The following PARP16 variants were observed in gnomAD, a reference collection of about 807,000 sequenced individuals.
PARP16 encodes the protein poly(ADP-ribose) polymerase family member 16, also known as protein mono-ADP-ribosyltransferase PARP16.
In PARP16, 31 loss-of-function variants were observed where a neutral mutation model predicts 35.0. The observed-to-expected ratio is 0.88, with a 90% confidence interval of 0.66 to 1.19. The LOEUF (loss-of-function observed/expected upper bound fraction) is 1.19. PARP16 is among the 50% of genes most tolerant of loss of function. PARP16 has a pLI of 0.00. For synonymous variants in PARP16, 162 were observed against 169.5 expected, an observed-to-expected ratio of 0.96 and a Z score of 0.34; for missense variants, 424 against 411.2, an observed-to-expected ratio of 1.03 and a Z score of -0.27.
chr15:65,247,387 C>T (rs1049576593), intron 3 of PARP16, among the ~76,000 whole-genome samples: 2 of 152,172 alleles, frequency 1.3e-5, no homozygotes, highest in African/African-American at 2.4e-5. Context: ...ATCCATATGG[C>T]AGAGCTGGGA....
intron 3 of PARP16, among the ~76,000 whole-genome samples, chr15:65,240,274 C>T (rs967437390): frequency 2.6e-4 from 39 of 150,868 alleles, no homozygotes; most frequent in Non-Finnish European, 4.0e-4. Flanking sequence ...AGTAGCTTGG[C>T]GCCCGCCACC....
At chr15:65,272,358 C>A (rs904580362) in intron 1 of PARP16, among the ~76,000 whole-genome samples, 8 of 152,162 alleles carry the variant, frequency 5.3e-5, no homozygotes, top group African/African-American at 1.4e-4. Context: ...ATATTCAGTG[C>A]CAGGATTTCT....
chr15:65,235,285 C>T (rs1479312499), intron 3 of PARP16, among the ~76,000 whole-genome samples: 5 of 150,508 alleles, frequency 3.3e-5, no homozygotes, highest in African/African-American at 1.2e-4. Context: ...TCAGCCTGGG[C>T]GACAGAAAGA....
At chr15:65,267,678 CTTTT>C (rs556058787) in intron 2 of PARP16, among the ~76,000 whole-genome samples, 58 of 53,034 alleles carry the variant, frequency 1.1e-3, no homozygotes, top group African/African-American at 4.1e-3. Flanking sequence ...ATTTTCCTAA[CTTTT>C]TTTTTTTTTT....
intron 1 of PARP16, among the ~76,000 whole-genome samples, chr15:65,277,482 T>G (rs2090292395): frequency 1.3e-5 from 2 of 152,206 alleles, no homozygotes; most frequent in Non-Finnish European, 2.9e-5. Flanking sequence ...TACTATTAAT[T>G]TGAACCCTTA....
At position 65,259,344 on chromosome 15, in the gene PARP16, G is replaced by A; in HGVS notation, c.*63C>T. On this transcript the variant is annotated 3_prime_UTR_variant, in exon 6 of 6. Coordinates refer to ENST00000649807, the MANE Select transcript of PARP16 (RefSeq NM_001316943.2). The stretch of plus-strand genomic sequence containing the variant: ...ACCTGGCTGGACATGAGGCATAGGA[G>A]GTACAGAACAAGTTACCATAAGGCA... 1 of 1,562,252 alleles carries A rather than the reference G, an allele frequency of 6.4e-7. No individual in the cohort carries two copies. Among genetic ancestry groups the A allele is most frequent in the Non-Finnish European group, 8.8e-7 (1 of 1,135,654 alleles).
chr15:65,240,299 T>TGTGG (rs2089023928), intron 3 of PARP16, among the ~76,000 whole-genome samples: 1 of 76,472 alleles, frequency 1.3e-5, no homozygotes. Flanking sequence ...CTGGCTAGTG[T>TGTGG]GTGTGTGTGT....
rs140817657 is a variant in PARP16 at position 65,249,249 on chromosome 15, G to A, written c.203-1021C>T. 6.2e-3 allele frequency among the ~76,000 whole-genome samples: 944 copies of A among 152,342 alleles called. 7 individuals carry two copies. Among genetic ancestry groups the A allele is most frequent in the Non-Finnish European group, 9.6e-3 (652 of 68,020 alleles). On this transcript the variant is annotated intron_variant and NMD_transcript_variant, in intron 2 of 3. Coordinates refer to the PARP16 transcript ENST00000559805. ...TGGACTGTGTCCACTTTTGTAAAAT[G>A]AGCCATTTGAGTGTGACGACTTCAG...
intron 3 of PARP16, among the ~76,000 whole-genome samples, chr15:65,243,531 G>GT (rs1246854435): frequency 6.6e-6 from 1 of 152,202 alleles, no homozygotes; most frequent in Non-Finnish European, 1.5e-5. Context: ...GATTACAGGC[G>GT]TGAGTGGCCA....
chr15:65,260,258 C>G (rs186234056), intron 5 of PARP16, among the ~76,000 whole-genome samples: 123 of 152,250 alleles, frequency 8.1e-4, no homozygotes, highest in African/African-American at 3.0e-3. Context: ...CTGGCCCCTG[C>G]AAGAAGCACC....
chr15:65,263,057 G>A (rs1039050438), intron 4 of PARP16, 92 bp downstream of exon 4: 12 of 1,197,530 alleles, frequency 1.0e-5, no homozygotes, highest in Admixed American at 8.1e-5. Context: ...CCTTGGGCAT[G>A]CAATGGGTGC....
chr15:65,239,452 A>AAAG (rs34910178), intron 3 of PARP16, among the ~76,000 whole-genome samples: 26 of 113,054 alleles, frequency 2.3e-4, no homozygotes, highest in South Asian at 3.6e-4. Flanking sequence ...AAAAAAAAAA[A>AAAG]AGAGAGAAAA....
At chr15:65,238,514 GC>G (rs984712593) in intron 3 of PARP16, among the ~76,000 whole-genome samples, 4 of 152,116 alleles carry the variant, frequency 2.6e-5, no homozygotes, top group Non-Finnish European at 4.4e-5. Context: ...TATCCAAACT[GC>G]TAGCAAGTCT....
At chr15:65,261,704 T>G (rs2089724714) in intron 4 of PARP16, among the ~76,000 whole-genome samples, 1 of 152,134 alleles carries the variant, frequency 6.6e-6, no homozygotes, top group African/African-American at 2.4e-5. Context: ...GTGATCAGCC[T>G]GCCTCAGCCT....
downstream of PARP16, among the ~76,000 whole-genome samples, chr15:65,255,350 T>C (rs2089468043): frequency 6.6e-6 from 1 of 152,110 alleles, no homozygotes; most frequent in Non-Finnish European, 1.5e-5. Flanking sequence ...AAAAAAACTT[T>C]TAAGAAAAAT....
chr15:65,281,465 G>T (rs914350463), intron 1 of PARP16, among the ~76,000 whole-genome samples: 4 of 152,130 alleles, frequency 2.6e-5, no homozygotes, highest in Non-Finnish European at 5.9e-5. Context: ...CGAGGAGGGC[G>T]AATCACCTGA....
chr15:65,270,341 A>T (rs2090053700), intron 2 of PARP16, among the ~76,000 whole-genome samples: 1 of 152,228 alleles, frequency 6.6e-6, no homozygotes, highest in Non-Finnish European at 1.5e-5. Context: ...CTTTGAGGTA[A>T]CTATCAGCAT....
chr15:65,246,592 T>C (rs1244594005), intron 3 of PARP16, among the ~76,000 whole-genome samples: 6 of 152,350 alleles, frequency 3.9e-5, no homozygotes, highest in African/African-American at 1.4e-4. Flanking sequence ...GGCCTGATCC[T>C]ATTTAGCTCA....
intron 1 of PARP16, among the ~76,000 whole-genome samples, chr15:65,272,114 C>G (rs1302407034): frequency 2.0e-5 from 3 of 152,212 alleles, no homozygotes; most frequent in African/African-American, 7.2e-5. Flanking sequence ...TCTCTTTACT[C>G]CCAAGTTTTC....
Sources: allele counts gnomAD v4.1 joint callset (sites outside exome capture counted in the v4.1 genomes callset), GRCh38; gene constraint gnomAD v4.1.1; transcripts MANE v1.5; gene names NCBI Gene and HGNC (gene_info 2026-07-23, HGNC 2026-07-21).